The following DYNC1I1 variants were observed in gnomAD, a reference collection of about 807,000 sequenced individuals.
DYNC1I1 encodes the protein dynein cytoplasmic 1 intermediate chain 1.
Under a neutral mutation model 86.6 loss-of-function variants are expected in DYNC1I1, and 43 were observed. The observed-to-expected ratio is 0.50, with a 90% CI of 0.39 to 0.64. The LOEUF is 0.64. Among genes scored for constraint, DYNC1I1 ranks in the 30% least tolerant of loss-of-function variants. The probability of loss-of-function intolerance (pLI) is 0.00; values close to 1 mark genes in which losing one functional copy is unlikely to be tolerated. For missense variants in DYNC1I1, 604 were observed against 788.8 expected (o/e 0.77, Z 2.81); for synonymous variants, 262 against 283.7 (o/e 0.92, Z 0.77).
At chr7:95,957,348 C>T (rs1233049511) in intron 6 of DYNC1I1, among the ~76,000 whole-genome samples, 2 of 152,112 alleles carry the variant, frequency 1.3e-5, no homozygotes, top group African/African-American at 4.8e-5. Context: ...TTCCTCCACC[C>T]CACCCCAACC....
chr7:95,808,203 T>C (rs1434498780), intron 2 of DYNC1I1, among the ~76,000 whole-genome samples: 1 of 152,164 alleles, frequency 6.6e-6, no homozygotes, highest in Non-Finnish European at 1.5e-5. Context: ...GAATCAGAAA[T>C]AGCTTTAAAT....
In DYNC1I1 at chr7:95,778,761, A is replaced by G. The variant is rs1793909813; in HGVS notation, c.-10+5988A>G. 5.9e-5 allele frequency among the ~76,000 whole-genome samples: 9 copies of G among 152,236 alleles called. No individual in the cohort carries two copies. In the South Asian group the frequency reaches 1.9e-3, roughly 32 times the overall value. On this transcript the variant is annotated intron_variant, in intron 1 of 16. Coordinates refer to ENST00000447467, the MANE Select transcript of DYNC1I1 (RefSeq NM_001135556.2). ...ACTGCAACTCCAACTCCTGGGCTCAAGCAGTTCTCCCAACTCATCCTTCCA... is the reference window on the plus strand; with the variant it reads ...ACTGCAACTCCAACTCCTGGGCTCAGGCAGTTCTCCCAACTCATCCTTCCA...
intron 6 of DYNC1I1, among the ~76,000 whole-genome samples, chr7:95,927,557 G>A (rs867683860): frequency 2.6e-5 from 4 of 152,234 alleles, no homozygotes; most frequent in Middle Eastern, 3.4e-3. Context: ...TGTTCTATGG[G>A]TTATGGAAGA....
At chr7:95,882,131 T>C (rs1447883233) in intron 6 of DYNC1I1, among the ~76,000 whole-genome samples, 4 of 152,204 alleles carry the variant, frequency 2.6e-5, no homozygotes, top group Admixed American at 2.6e-4. Context: ...CATTTTCTTT[T>C]GTTTAGGATC....
chr7:95,799,424 G>A (rs1794524728), intron 1 of DYNC1I1, among the ~76,000 whole-genome samples: 1 of 152,050 alleles, frequency 6.6e-6, no homozygotes, highest in African/African-American at 2.4e-5. Flanking sequence ...TTGTATAATG[G>A]AATAGCAGGA....
At chr7:95,963,281 C>G (rs1044385836) in intron 6 of DYNC1I1, among the ~76,000 whole-genome samples, 1 of 152,182 alleles carries the variant, frequency 6.6e-6, no homozygotes, top group South Asian at 2.1e-4. Flanking sequence ...CAGGCATTCT[C>G]TCTTCTGATG....
Position 95,860,911 on chromosome 7 carries a change from AC to A in DYNC1I1, c.375-8966del, listed in dbSNP as rs201062167. On this transcript the variant is annotated intron_variant, in intron 5 of 16. Coordinates refer to ENST00000447467, the MANE Select transcript of DYNC1I1 (RefSeq NM_001135556.2). Reference sequence around the variant, plus strand: ...TCATGATGTAATTACTTTCTAAAAGACCCCCCATCTTTTAATACTACAATTG... The same window carrying A: ...TCATGATGTAATTACTTTCTAAAAGACCCCCATCTTTTAATACTACAATTG... 6.3e-3 allele frequency among the ~76,000 whole-genome samples: 960 copies of A among 152,132 alleles called. 21 individuals are homozygous for A. Among genetic ancestry groups the A allele is most frequent in the East Asian group, 0.028 (143 of 5,186 alleles).
intron 9 of DYNC1I1, among the ~76,000 whole-genome samples, chr7:95,989,658 G>A (rs1034593869): frequency 6.6e-6 from 1 of 152,208 alleles, no homozygotes; most frequent in African/African-American, 2.4e-5. Flanking sequence ...TTTCCACACA[G>A]GGTCTCGCAT....
At chr7:95,880,775 A>G (rs1790435767) in intron 6 of DYNC1I1, among the ~76,000 whole-genome samples, 1 of 150,856 alleles carries the variant, frequency 6.6e-6, no homozygotes, top group South Asian at 2.1e-4. Flanking sequence ...CCTCCCGAGT[A>G]GCTGGGATTA....
At chr7:95,988,516 A>G (rs1226316332) in intron 9 of DYNC1I1, among the ~76,000 whole-genome samples, 1 of 152,228 alleles carries the variant, frequency 6.6e-6, no homozygotes, top group African/African-American at 2.4e-5. Flanking sequence ...CAACTAGTTG[A>G]CAATATACCG....
chr7:95,884,507 A>G (rs1460525877), intron 6 of DYNC1I1, among the ~76,000 whole-genome samples: 1 of 152,136 alleles, frequency 6.6e-6, no homozygotes, highest in African/African-American at 2.4e-5. Flanking sequence ...AAGGAAGGAA[A>G]CAATGAACTT....
chr7:95,981,596 T>A (rs1793460554), intron 7 of DYNC1I1, among the ~76,000 whole-genome samples: 1 of 152,104 alleles, frequency 6.6e-6, no homozygotes, highest in Non-Finnish European at 1.5e-5. Context: ...ACATGTAAGT[T>A]ACATCCATGC....
intron 3 of DYNC1I1, among the ~76,000 whole-genome samples, chr7:95,811,431 A>T (rs1794827889): frequency 6.6e-6 from 1 of 152,084 alleles, no homozygotes; most frequent in Non-Finnish European, 1.5e-5. Context: ...AAAATAAATT[A>T]TCATTTATTT....
chr7:96,098,238 A>G lies in DYNC1I1; in HGVS notation c.*645A>G, dbSNP rs1791073578. ...TTACAGTATGCCAGTTCCACTGAAG[A>G]CATGAAATCTTTAGAGGTTTCTTGC... On this transcript the variant is annotated 3_prime_UTR_variant, in exon 17 of 17. Coordinates refer to ENST00000447467, the MANE Select transcript of DYNC1I1 (RefSeq NM_001135556.2). 1.0e-6 allele frequency: 1 copy of G among 985,916 alleles called. No homozygotes were observed. Among genetic ancestry groups the G allele is most frequent in the Non-Finnish European group, 1.2e-6 (1 of 829,946 alleles). 61.1% of individuals were successfully genotyped at this position (985,916 alleles called of 1,614,324 possible). A position where few individuals can be genotyped will look rare whatever the true frequency, so the allele number is the denominator to read the frequency against.
rs1791074080 is a variant in DYNC1I1, at chr7:95,902,780, T to C, written c.490+32782T>C. Among the ~76,000 whole-genome samples the C allele has an allele frequency of 2.0e-5, 3 of 152,154 alleles. 1 individual carries two copies. Among genetic ancestry groups the C allele is most frequent in the Admixed American group, 6.6e-5 (1 of 15,262 alleles). On this transcript the variant is annotated intron_variant, in intron 6 of 16. Coordinates refer to ENST00000447467, the MANE Select transcript of DYNC1I1 (RefSeq NM_001135556.2). ...TATTCCAAGTGCTTTCCCCCCAGCG[T>C]AGGGAGTTCAACGTGTTCTTTATTC...
chr7:95,830,366 C>G (rs556647245), intron 5 of DYNC1I1, among the ~76,000 whole-genome samples: 1 of 152,114 alleles, frequency 6.6e-6, no homozygotes, highest in Non-Finnish European at 1.5e-5. Flanking sequence ...TACACTCTTG[C>G]TTCTTCCTGT....
intron 6 of DYNC1I1, among the ~76,000 whole-genome samples, chr7:95,920,971 G>C (rs1319050439): frequency 1.3e-5 from 2 of 152,114 alleles, no homozygotes; most frequent in African/African-American, 4.8e-5. Flanking sequence ...AGTAGTAGAT[G>C]GCCGCTTTCA....
rs73232558 is a variant in DYNC1I1, at chr7:96,078,194, C to T, written c.1650+1997C>T. 5.0e-3 allele frequency among the ~76,000 whole-genome samples: 759 copies of T among 152,208 alleles called. 2 individuals carry two copies. The highest frequency in any genetic ancestry group is 8.8e-3 in the Non-Finnish European group (598 of 67,960). On this transcript the variant is annotated intron_variant, in intron 15 of 16. Coordinates refer to ENST00000447467, the MANE Select transcript of DYNC1I1 (RefSeq NM_001135556.2). ...TTTGGACCAGGTTATTCCAGCTGTT[C>T]CTATGCAAGGATAGTTCATATTTCC...
chr7:95,936,341 T>C (rs1318206508), intron 6 of DYNC1I1, among the ~76,000 whole-genome samples: 2 of 151,996 alleles, frequency 1.3e-5, no homozygotes, highest in Non-Finnish European at 2.9e-5. Context: ...TGGACTTGCA[T>C]TGATGATAGT....
Sources: allele counts gnomAD v4.1 joint callset (sites outside exome capture counted in the v4.1 genomes callset), GRCh38; gene constraint gnomAD v4.1.1; transcripts MANE v1.5; gene names NCBI Gene and HGNC (gene_info 2026-07-23, HGNC 2026-07-21).